Variants in DIAPH2 observed in about 807,000 individuals in gnomAD.
DIAPH2 encodes protein diaphanous homolog 2.
DIAPH2 carries 35 observed loss-of-function variants against 92.7 expected under a neutral mutation model. That is an observed-to-expected ratio of 0.38 (90% CI 0.29 to 0.50). The LOEUF (loss-of-function observed/expected upper bound fraction) is 0.50, where lower values mean the gene tolerates loss of function less well. Among genes scored for constraint, DIAPH2 ranks in the 20% least tolerant of loss-of-function variants. The pLI is 0.94. For synonymous variants in DIAPH2, 301 were observed against 280.4 expected, an observed-to-expected ratio of 1.07 and a Z score of -0.73; for missense variants, 701 against 819.5, an observed-to-expected ratio of 0.86 and a Z score of 1.77.
At position 97,252,386 on chromosome X, in the gene DIAPH2, G is replaced by A. The variant is rs2068195972; in HGVS notation, c.2844+4547G>A. On this transcript the variant is annotated intron_variant, in intron 23 of 26. Transcript: ENST00000324765. ...CTGTCAACTAACTATCAACACTTGG[G>A]ATTTCCTCATAGTATGAGGGAAGTC... Among the ~76,000 whole-genome samples the A allele has an allele frequency of 2.7e-5, 3 of 111,669 alleles. No individual in the cohort carries two copies. The South Asian group carries it at 1.1e-3, about 42-fold the overall frequency.
chrX:97,038,543 T>TC (rs1330294064), intron 17 of DIAPH2, among the ~76,000 whole-genome samples: 1 of 108,319 alleles, frequency 9.2e-6, no homozygotes, highest in Non-Finnish European at 1.9e-5. Context: ...TTTTTTTTTT[T>TC]TTTTTTCTTG....
intron 4 of DIAPH2, among the ~76,000 whole-genome samples, chrX:96,877,620 A>G (rs893047146): frequency 1.3e-4 from 14 of 111,996 alleles, no homozygotes; most frequent in Non-Finnish European, 2.1e-4. Flanking sequence ...TTTTACATTA[A>G]AAAATGACAG....
chrX:97,241,763 G>A (rs2068096109), intron 22 of DIAPH2, among the ~76,000 whole-genome samples: 1 of 96,015 alleles, frequency 1.0e-5, no homozygotes, highest in Non-Finnish European at 2.0e-5. Flanking sequence ...AAGAGTTTAA[G>A]TAGGCTGATT....
intron 26 of DIAPH2, among the ~76,000 whole-genome samples, chrX:97,435,693 T>C (rs184099023): frequency 1.2e-3 from 138 of 111,721 alleles, no homozygotes; most frequent in African/African-American, 4.2e-3. Flanking sequence ...ATCTACTTTG[T>C]AAAGAATTGC....
intron 17 of DIAPH2, among the ~76,000 whole-genome samples, chrX:96,971,322 G>A (rs1456173511): frequency 8.9e-6 from 1 of 111,762 alleles, no homozygotes; most frequent in African/African-American, 3.3e-5. Context: ...AAATGAATAG[G>A]CTAATGTTTA....
At chrX:97,089,236 G>T (rs1273443234) in intron 19 of DIAPH2, among the ~76,000 whole-genome samples, 1 of 111,775 alleles carries the variant, frequency 8.9e-6, no homozygotes, top group African/African-American at 3.3e-5. Context: ...TGGACCGGAG[G>T]TGTCACAGGT....
intron 20 of DIAPH2, among the ~76,000 whole-genome samples, chrX:97,102,433 C>G (rs2066912229): frequency 8.9e-6 from 1 of 112,065 alleles, no homozygotes; most frequent in African/African-American, 3.2e-5. Context: ...TTTTCTCTAG[C>G]TATATACCTT....
intron 4 of DIAPH2, among the ~76,000 whole-genome samples, chrX:96,840,102 A>G (rs1004398513): frequency 1.8e-5 from 2 of 112,452 alleles, no homozygotes; most frequent in African/African-American, 3.2e-5. Flanking sequence ...TTAATGAGAT[A>G]TATCTTTTTA....
intron 20 of DIAPH2, among the ~76,000 whole-genome samples, chrX:97,113,459 A>C (rs2066996708): frequency 8.9e-6 from 1 of 112,195 alleles, no homozygotes; most frequent in Admixed American, 9.5e-5. Flanking sequence ...AAGTGATGAG[A>C]CCTACAAAAA....
intron 25 of DIAPH2, among the ~76,000 whole-genome samples, chrX:97,428,362 C>G (rs1463013522): frequency 9.1e-6 from 1 of 110,296 alleles, no homozygotes; most frequent in Non-Finnish European, 1.9e-5. Context: ...AAACCTGTCT[C>G]TACTAAAAAT....
At position 97,572,108 on chromosome X, in the gene DIAPH2, A is replaced by C. The variant is rs185325394; in HGVS notation, c.3242-27145A>C. Among the ~76,000 whole-genome samples the C allele has an allele frequency of 4.3e-3, 451 of 104,500 alleles. 3 individuals carry two copies. The highest frequency in any genetic ancestry group is 0.015 in the African/African-American group (429 of 28,382). The allele number at this position is 104,500 out of a possible 115,157, so 90.7% of individuals were successfully genotyped here. ...TTTTTTTTTTTTTTTAAGGAATCAG[A>C]TTGGATTGTAAAATGATGGGAATAT... On this transcript the variant is annotated intron_variant, in intron 26 of 26. Coordinates refer to ENST00000324765, the MANE Select transcript of DIAPH2 (RefSeq NM_006729.5).
At chrX:97,277,336 G>A (rs184171579) in intron 23 of DIAPH2, among the ~76,000 whole-genome samples, 2 of 109,717 alleles carry the variant, frequency 1.8e-5, no homozygotes, top group South Asian at 3.8e-4. Context: ...AAACACTGTC[G>A]CAAAAAAAGA....
chrX:96,853,985 T>C (rs1268959369), intron 4 of DIAPH2, among the ~76,000 whole-genome samples: 1 of 111,475 alleles, frequency 9.0e-6, no homozygotes, highest in Non-Finnish European at 1.9e-5. Flanking sequence ...AAATGGAAAA[T>C]TGTGCTTTTA....
intron 4 of DIAPH2, among the ~76,000 whole-genome samples, chrX:96,828,352 C>G (rs1439996614): frequency 2.7e-5 from 3 of 111,652 alleles, no homozygotes; most frequent in Non-Finnish European, 3.8e-5. Context: ...TGGCCGAAGT[C>G]TTAGTTATCA....
chrX:96,929,327 A>G (rs1156563879), intron 9 of DIAPH2, among the ~76,000 whole-genome samples: 1 of 111,739 alleles, frequency 8.9e-6, no homozygotes, highest in African/African-American at 3.2e-5. Flanking sequence ...ATGTCTTTAA[A>G]GGTAATGCCA....
chrX:96,856,160 C>T (rs913302244), intron 4 of DIAPH2, among the ~76,000 whole-genome samples: 1 of 111,820 alleles, frequency 8.9e-6, no homozygotes, highest in African/African-American at 3.3e-5. Flanking sequence ...TAAGGAGCCA[C>T]TATGATATCT....
chrX:96,803,910 G>A (rs760343171), intron 4 of DIAPH2, among the ~76,000 whole-genome samples: 3 of 110,961 alleles, frequency 2.7e-5, no homozygotes, highest in East Asian at 2.9e-4. Flanking sequence ...ACGGTGGCAC[G>A]CGCCTGTAAT....
At chrX:96,999,498 C>CAAAAA (rs756579556) in intron 17 of DIAPH2, among the ~76,000 whole-genome samples, 1 of 47,386 alleles carries the variant, frequency 2.1e-5, no homozygotes, top group East Asian at 7.1e-4. Flanking sequence ...GAGACTGTCT[C>CAAAAA]AAAAAAAAAA....
At chrX:97,151,911 G>C (rs945153286) in intron 22 of DIAPH2, among the ~76,000 whole-genome samples, 3 of 111,208 alleles carry the variant, frequency 2.7e-5, no homozygotes, top group Non-Finnish European at 5.7e-5. Flanking sequence ...TATTGTCAAG[G>C]GGGGAGATGT....
Sources: allele counts gnomAD v4.1 joint callset (sites outside exome capture counted in the v4.1 genomes callset), GRCh38; gene constraint gnomAD v4.1.1; transcripts MANE v1.5; gene names NCBI Gene and HGNC (gene_info 2026-07-23, HGNC 2026-07-21).